The following ZMYM1 variants were observed in gnomAD, a reference collection of about 807,000 sequenced individuals.
The protein encoded by ZMYM1 is zinc finger MYM-type protein 1.
A neutral mutation model predicts 60.0 loss-of-function variants in ZMYM1; 39 were observed. That is an observed-to-expected ratio of 0.65 (90% confidence interval 0.50 to 0.85). The LOEUF (loss-of-function observed/expected upper bound fraction) is 0.85, where lower values mean the gene tolerates loss of function less well. ZMYM1 is among the 40% of genes least tolerant of loss of function. The pLI is 0.00. For missense variants in ZMYM1, 1,171 were observed against 1,309.5 expected (o/e 0.89, Z 1.63); for synonymous variants, 413 against 454.0 (o/e 0.91, Z 1.15).
chr1:35,081,977 G>C (rs2148489159), intron 1 of ZMYM1, among the ~76,000 whole-genome samples: 1 of 152,312 alleles, frequency 6.6e-6, no homozygotes, highest in African/African-American at 2.4e-5. Flanking sequence ...ACAGGCGTGA[G>C]CCACTGCACC....
At chr1:35,059,882 G>A (rs955525586) in exon 1 of ZMYM1, 1 of 152,106 alleles carries the variant, frequency 6.6e-6, no homozygotes, top group African/African-American at 2.4e-5. Flanking sequence ...CAACTTGGCT[G>A]TCAGAGAGGT....
upstream of ZMYM1, among the ~76,000 whole-genome samples, chr1:35,078,487 A>C (rs1172687897): frequency 6.6e-6 from 1 of 151,686 alleles, no homozygotes; most frequent in African/African-American, 2.4e-5. Flanking sequence ...ATTGTCAAAA[A>C]ACATTTAAAA....
chr1:35,112,092 GT>G lies in ZMYM1; in HGVS notation c.1111del (p.Ser371LeufsTer3). 6.2e-7 allele frequency: 1 copy of G among 1,613,088 alleles called. No homozygotes were observed. Among genetic ancestry groups the G allele is most frequent in the South Asian group, 1.1e-5 (1 of 90,924 alleles). ...IMNTDVLQDT[V>X]SSVTATADVI... ...TTTATGCTCTATTTTAACAGATACA[GT>G]TTCTTCAGTAACAGCAACAGCAGAT... is the stretch of plus-strand genomic sequence containing the variant. On this transcript the variant is annotated frameshift_variant, in exon 9 of 10. Coordinates refer to ENST00000359858, the MANE Select transcript of ZMYM1 (RefSeq NM_024772.5). LOFTEE classifies it low-confidence loss of function (END_TRUNC).
chr1:35,085,831 A>G (rs1236154973), intron 1 of ZMYM1, among the ~76,000 whole-genome samples: 1 of 152,196 alleles, frequency 6.6e-6, no homozygotes, highest in East Asian at 1.9e-4. Flanking sequence ...CTAGGTTCAC[A>G]CTGGCCCCTA....
Position 35,114,517 on chromosome 1 carries a change from T to C in ZMYM1, c.2687T>C (p.Ile896Thr). The change falls in exon 10 of 10, where the codon ATT becomes ACT. Residue 896 changes from isoleucine to threonine, a missense_variant. Coordinates refer to ENST00000359858, the MANE Select transcript of ZMYM1 (RefSeq NM_024772.5). The part of the protein sequence containing the change: ...IFSLSSKIEA[I>T]LECLSSERND... The stretch of plus-strand genomic sequence containing the variant: ...TCTTTGTCTTCAAAAATAGAAGCAA[T>C]TTTGGAATGTTTATCATCTGAAAGA... The C allele has an allele frequency of 6.2e-7, 1 of 1,610,418 alleles. No individual in the cohort carries two copies. Among genetic ancestry groups the C allele is most frequent in the Non-Finnish European group, 8.5e-7 (1 of 1,178,232 alleles).
In ZMYM1 at chr1:35,095,818, G is replaced by C. The variant is rs1434493776; in HGVS notation, c.97-1G>C. On this transcript the variant is annotated splice_acceptor_variant, in intron 2 of 9. Transcript: ENST00000359858. LOFTEE classifies it high-confidence loss of function. ...AATTATTATTTTTTTTTTCTTTTTA[G>C]GAGTATTGTCATAGGCAACAGTCCA... 4 of 1,576,634 alleles carry C rather than the reference G, an allele frequency of 2.5e-6. No homozygotes were observed. The East Asian group carries it at 6.8e-5, about 27-fold the overall frequency.
Position 35,094,042 on chromosome 1 carries a change from G to T in ZMYM1, c.55G>T (p.Gly19Trp). Residue 19 changes from glycine (G) to tryptophan (W), a missense_variant, in exon 2 of 10, where the codon GGG becomes TGG. Coordinates refer to ENST00000359858, the MANE Select transcript of ZMYM1 (RefSeq NM_024772.5). Reference protein sequence around the residue: ...ECDKAVASQLGLLDEIKTEPD... With the variant: ...ECDKAVASQLWLLDEIKTEPD... The stretch of plus-strand genomic sequence containing the variant: ...TGACAAGGCAGTGGCATCACAGCTG[G>T]GGCTGCTAGATGAAATTAAGACAGA... The T allele has an allele frequency of 6.2e-7, 1 of 1,610,686 alleles. No homozygotes were observed. The highest frequency in any genetic ancestry group is 8.5e-7 in the Non-Finnish European group (1 of 1,178,180).
chr1:35,114,802 T>C lies in ZMYM1; in HGVS notation c.2972T>C (p.Ile991Thr), dbSNP rs772479420. 2 of 1,606,930 alleles carry C rather than the reference T, an allele frequency of 1.2e-6. No homozygotes were observed. The highest frequency in any genetic ancestry group is 1.1e-5 in the South Asian group (1 of 89,374). ...TTTTCGGAGTTTGATTATTGCAAAATAAAGCAAATTTCAGAACTGTTATTT... is the reference window on the plus strand; with the variant it reads ...TTTTCGGAGTTTGATTATTGCAAAACAAAGCAAATTTCAGAACTGTTATTT... ...LCFSEFDYCK[I>T]KQISELLFKW... is the part of the protein sequence containing the mutation. The change falls in exon 10 of 10, where the codon ATA (isoleucine) becomes ACA (threonine). Residue 991 changes from isoleucine (I) to threonine (T), a missense_variant. Transcript: ENST00000359858.
chr1:35,110,583 G>T (rs1644054875), intron 7 of ZMYM1, 136 bp downstream of exon 7: 3 of 776,564 alleles, frequency 3.9e-6, no homozygotes, highest in Middle Eastern at 4.4e-4. Context: ...TTGTTGCAAA[G>T]AACTGTTTTT....
chr1:35,107,983 C>G lies in ZMYM1; in HGVS notation c.808-2311C>G, dbSNP rs191367696. ...AATTAGCCGGGCATAGTGGCACACA[C>G]CTAATAATCCCAGCTACCCGGGAGG... On this transcript the variant is annotated intron_variant, in intron 6 of 9. Coordinates refer to ENST00000359858, the MANE Select transcript of ZMYM1 (RefSeq NM_024772.5). Among the ~76,000 whole-genome samples the G allele has an allele frequency of 2.8e-3, 419 of 151,976 alleles. 4 individuals are homozygous for G. Among genetic ancestry groups the G allele is most frequent in the South Asian group, 3.3e-3 (16 of 4,814 alleles).
At chr1:35,082,450 C>T (rs912624609) in intron 1 of ZMYM1, among the ~76,000 whole-genome samples, 2 of 151,754 alleles carry the variant, frequency 1.3e-5, no homozygotes, top group African/African-American at 4.8e-5. Context: ...CCTGCCTCAG[C>T]TTCCCGAGTA....
intron 3 of ZMYM1, 134 bp from the exon 4 acceptor site, chr1:35,097,183 A>G: frequency 2.0e-6 from 2 of 987,132 alleles, no homozygotes. Context: ...TCGTATCACT[A>G]CACTGCCTAG....
Position 35,097,427 on chromosome 1 carries a change from A to C in ZMYM1, c.280A>C (p.Lys94Gln), listed in dbSNP as rs759258467. 2 of 1,614,128 alleles carry C rather than the reference A, an allele frequency of 1.2e-6. No individual in the cohort carries two copies. Among genetic ancestry groups the C allele is most frequent in the Non-Finnish European group, 1.7e-6 (2 of 1,180,020 alleles). Residue 94 changes from lysine to glutamine, a missense_variant, in exon 4 of 10, where the codon AAA (lysine) becomes CAA (glutamine). Coordinates refer to ENST00000359858, the MANE Select transcript of ZMYM1 (RefSeq NM_024772.5). ...TCAGGTTTCCTGTGCTGGTTGTAAA[A>C]AAATTCTCCAGAAGGGGCAAACTGC... Reference protein sequence around the residue: ...AIQVSCAGCKKILQKGQTAYQ... With the variant: ...AIQVSCAGCKQILQKGQTAYQ...
At chr1:35,094,610 T>C (rs1643209003) in intron 2 of ZMYM1, among the ~76,000 whole-genome samples, 1 of 152,172 alleles carries the variant, frequency 6.6e-6, no homozygotes, top group South Asian at 2.1e-4. Flanking sequence ...ATCCCAGAAC[T>C]TTGGGAGGCC....
At chr1:35,092,396 T>TG (rs1182944110) in intron 1 of ZMYM1, among the ~76,000 whole-genome samples, 3 of 42,722 alleles carry the variant, frequency 7.0e-5, no homozygotes, top group Non-Finnish European at 2.3e-4. Context: ...CCACACTCGG[T>TG]TGATTTTTTT....
At chr1:35,070,831 C>T (rs1162519659) in intron 1 of ZMYM1, among the ~76,000 whole-genome samples, 12 of 150,186 alleles carry the variant, frequency 8.0e-5, no homozygotes, top group South Asian at 6.3e-4. Context: ...AATCATGAAG[C>T]GATGTTGAAT....
intron 6 of ZMYM1, among the ~76,000 whole-genome samples, chr1:35,105,870 G>A (rs1042339218): frequency 1.3e-5 from 2 of 152,130 alleles, no homozygotes; most frequent in Non-Finnish European, 2.9e-5. Flanking sequence ...GTCTCCTAAG[G>A]TGCTGGGATT....
intron 1 of ZMYM1, among the ~76,000 whole-genome samples, chr1:35,066,386 T>G (rs1280839790): frequency 2.6e-5 from 4 of 152,094 alleles, no homozygotes; most frequent in African/African-American, 9.7e-5. Context: ...TTAGTAGAGA[T>G]GGGGTTTCAC....
chr1:35,096,575 C>T (rs1643339287), intron 3 of ZMYM1, among the ~76,000 whole-genome samples: 1 of 151,110 alleles, frequency 6.6e-6, no homozygotes. Flanking sequence ...CTCTTGTTGC[C>T]CAGGCTGGAG....
Sources: gnomAD v4.1 joint callset for allele counts (sites outside exome capture counted in the v4.1 genomes callset) on GRCh38, gnomAD v4.1.1 for gene constraint, MANE v1.5 for transcripts, NCBI Gene and HGNC (gene_info 2026-07-23, HGNC 2026-07-21) for gene names.